FHIT: variants seen among roughly 807,000 people sequenced by gnomAD.
FHIT encodes fragile histidine triad diadenosine triphosphatase, also known as bis(5'-adenosyl)-triphosphatase.
In FHIT, 19 loss-of-function variants were observed where a neutral mutation model predicts 17.9. The observed-to-expected ratio is 1.06, with a 90% CI of 0.74 to 1.56. The LOEUF (loss-of-function observed/expected upper bound fraction) is 1.56, where lower values mean the gene tolerates loss of function less well. FHIT is among the 40% of genes most tolerant of loss of function. The probability of loss-of-function intolerance (pLI) is 0.00; values close to 1 mark genes in which losing one functional copy is unlikely to be tolerated. For synonymous variants in FHIT, 81 were observed against 69.7 expected (o/e 1.16, Z -0.81); for missense variants, 248 against 189.2 (o/e 1.31, Z -1.82).
intron 5 of FHIT, among the ~76,000 whole-genome samples, chr3:60,023,132 T>C (rs999915538): frequency 6.6e-6 from 1 of 152,158 alleles, no homozygotes; most frequent in Non-Finnish European, 1.5e-5. Flanking sequence ...AGAAATAAAT[T>C]GCACTCAGCA....
At chr3:60,401,001 A>T (rs1005130102) in intron 5 of FHIT, among the ~76,000 whole-genome samples, 1 of 152,224 alleles carries the variant, frequency 6.6e-6, no homozygotes, top group Non-Finnish European at 1.5e-5. Flanking sequence ...CTTTACAGAG[A>T]ACAGTTCAAA....
At chr3:61,207,171 A>G (rs1229531134) in intron 1 of FHIT, among the ~76,000 whole-genome samples, 2 of 152,184 alleles carry the variant, frequency 1.3e-5, no homozygotes, top group Non-Finnish European at 2.9e-5. Flanking sequence ...GATGAAACCC[A>G]CTTGATCATG....
At chr3:60,746,174 T>C (rs1000643826) in intron 4 of FHIT, among the ~76,000 whole-genome samples, 4 of 152,236 alleles carry the variant, frequency 2.6e-5, no homozygotes, top group Admixed American at 2.6e-4. Flanking sequence ...TTGTTATCGC[T>C]TGAAGCTGAC....
At chr3:60,774,501 A>G (rs1304282472) in intron 4 of FHIT, among the ~76,000 whole-genome samples, 1 of 152,046 alleles carries the variant, frequency 6.6e-6, no homozygotes, top group Non-Finnish European at 1.5e-5. Flanking sequence ...GGGTTTCACC[A>G]TGTTGACCAG....
intron 5 of FHIT, among the ~76,000 whole-genome samples, chr3:60,259,299 T>C (rs9820087): frequency 1.8e-3 from 273 of 152,230 alleles, no homozygotes; most frequent in African/African-American, 6.5e-3. Context: ...TTTCAACAAA[T>C]GTTGCTCAGA....
At chr3:60,073,511 C>T (rs1194787335) in intron 5 of FHIT, among the ~76,000 whole-genome samples, 1 of 152,070 alleles carries the variant, frequency 6.6e-6, no homozygotes, top group Non-Finnish European at 1.5e-5. Context: ...CGTTTGCTCT[C>T]TCTCATTTCA....
At chr3:60,067,138 A>G (rs1702549856) in intron 5 of FHIT, among the ~76,000 whole-genome samples, 1 of 152,208 alleles carries the variant, frequency 6.6e-6, no homozygotes, top group African/African-American at 2.4e-5. Context: ...AAACCTATTC[A>G]TGAACATGAG....
chr3:59,792,319 T>C (rs1224017045), intron 8 of FHIT, among the ~76,000 whole-genome samples: 2 of 152,148 alleles, frequency 1.3e-5, no homozygotes, highest in African/African-American at 4.8e-5. Flanking sequence ...GATGCAAAAT[T>C]TTGATTTTTT....
At chr3:60,076,762 G>A (rs1405119652) in intron 5 of FHIT, among the ~76,000 whole-genome samples, 1 of 151,256 alleles carries the variant, frequency 6.6e-6, no homozygotes, top group Admixed American at 6.6e-5. Context: ...AGGAAAGAAA[G>A]AAAGATGATT....
intron 4 of FHIT, among the ~76,000 whole-genome samples, chr3:60,642,463 C>A (rs757251952): frequency 6.6e-6 from 1 of 151,958 alleles, no homozygotes; most frequent in Admixed American, 6.6e-5. Context: ...TGAATGATAA[C>A]AGATTCTTTA....
intron 5 of FHIT, among the ~76,000 whole-genome samples, chr3:60,049,784 C>G (rs1346390088): frequency 6.6e-6 from 1 of 152,130 alleles, no homozygotes; most frequent in Non-Finnish European, 1.5e-5. Flanking sequence ...TTCTACCAGA[C>G]AGGGGTGATC....
chr3:60,667,977 G>A (rs1553692889), intron 4 of FHIT, among the ~76,000 whole-genome samples: 1 of 151,880 alleles, frequency 6.6e-6, no homozygotes, highest in Non-Finnish European at 1.5e-5. Flanking sequence ...AATACGGTGG[G>A]GTCTGCCATC....
At chr3:61,084,296 T>C (rs1187032235) in intron 2 of FHIT, among the ~76,000 whole-genome samples, 2 of 152,368 alleles carry the variant, frequency 1.3e-5, no homozygotes, top group South Asian at 4.1e-4. Context: ...CCTTGTGCAA[T>C]ACCACATTAT....
At chr3:60,705,239 C>G (rs921483741) in intron 4 of FHIT, among the ~76,000 whole-genome samples, 3 of 151,946 alleles carry the variant, frequency 2.0e-5, no homozygotes, top group Admixed American at 6.6e-5. Flanking sequence ...ATAATGGAAG[C>G]AGGATAAAAG....
At chr3:60,555,392 T>C (rs1559536093) in intron 4 of FHIT, among the ~76,000 whole-genome samples, 3 of 152,212 alleles carry the variant, frequency 2.0e-5, no homozygotes, top group Non-Finnish European at 2.9e-5. Context: ...TTATACAACA[T>C]TAAATAAAAG....
At position 60,022,495 on chromosome 3, in the gene FHIT, C is replaced by T. The variant is rs9812269; in HGVS notation, c.104-8343G>A. Among the ~76,000 whole-genome samples, 1,406 of 152,322 alleles carry T rather than the reference C, an allele frequency of 9.2e-3. 23 individuals carry two copies. The highest frequency in any genetic ancestry group is 0.031 in the African/African-American group (1,286 of 41,576). ...AGTATGTGACCGACAGCTTTATTTC[C>T]TTCACCAAGACAGGCAGCAATGCTT... On this transcript the variant is annotated intron_variant, in intron 5 of 9. Coordinates refer to ENST00000492590, the MANE Select transcript of FHIT (RefSeq NM_002012.4).
At chr3:59,781,402 C>T (rs1702576980) in intron 8 of FHIT, among the ~76,000 whole-genome samples, 1 of 152,202 alleles carries the variant, frequency 6.6e-6, no homozygotes, top group African/African-American at 2.4e-5. Flanking sequence ...GGTTCATAAA[C>T]CAGGGATTAA....
chr3:61,121,720 G>C (rs187249102), intron 2 of FHIT, among the ~76,000 whole-genome samples: 3 of 152,194 alleles, frequency 2.0e-5, no homozygotes, highest in Admixed American at 6.5e-5. Flanking sequence ...CATAAAGACA[G>C]GATCAAATTC....
rs1703749299 is a variant in FHIT, at chr3:60,860,826, T to TATGTTCATATATATCTGATATATATGA, written c.-110-38816_-110-38815insTCATATATATCAGATATATATGAACAT. ...GTACATATATATCAGGTATATATGA[T>TATGTTCATATATATCTGATATATATGA]ACATATGTACATATATCAGGTATAT... On this transcript the variant is annotated intron_variant, in intron 3 of 9. Transcript: ENST00000492590. 1.7e-3 allele frequency among the ~76,000 whole-genome samples: 2 copies of TATGTTCATATATATCTGATATATATGA among 1,206 alleles called. 1 individual carries two copies. The highest frequency in any genetic ancestry group is 0.091 in the East Asian group (2 of 22). 0.8% of individuals were successfully genotyped at this position (1,206 alleles called of 152,430 possible).
Sources: allele counts gnomAD v4.1 joint callset (sites outside exome capture counted in the v4.1 genomes callset), GRCh38; gene constraint gnomAD v4.1.1; transcripts MANE v1.5; gene names NCBI Gene and HGNC (gene_info 2026-07-23, HGNC 2026-07-21).